CCSER1: variants seen among roughly 807,000 people sequenced by gnomAD.
CCSER1 encodes the protein coiled-coil serine rich protein 1, also known as serine-rich coiled-coil domain-containing protein 1.
CCSER1 carries 41 observed loss-of-function variants against 82.0 expected under a neutral mutation model. That is an observed-to-expected ratio of 0.50 (90% confidence interval 0.39 to 0.65). The LOEUF (loss-of-function observed/expected upper bound fraction) is 0.65. CCSER1 is among the 30% of genes least tolerant of loss of function. The pLI is 0.00. For synonymous variants in CCSER1, 414 were observed against 383.9 expected (o/e 1.08, Z -0.92); for missense variants, 1,119 against 1,064.2 (o/e 1.05, Z -0.72).
chr4:90,720,609 T>C (rs1038107739), intron 6 of CCSER1, among the ~76,000 whole-genome samples: 1 of 151,968 alleles, frequency 6.6e-6, no homozygotes, highest in Non-Finnish European at 1.5e-5. Flanking sequence ...CCAAAGAGGG[T>C]AACCTAAATT....
At chr4:90,463,497 G>T (rs1397086070) in intron 4 of CCSER1, among the ~76,000 whole-genome samples, 1 of 151,584 alleles carries the variant, frequency 6.6e-6, no homozygotes, top group African/African-American at 2.4e-5. Context: ...TGCACAGTTA[G>T]TGCAGAATTG....
intron 9 of CCSER1, among the ~76,000 whole-genome samples, chr4:91,004,084 G>T (rs78856741): frequency 0.023 from 3,502 of 152,276 alleles, 110 homozygotes; most frequent in African/African-American, 0.076. Context: ...TGTCTCCCGG[G>T]TCCTACAGGA....
At chr4:90,547,447 A>G (rs982256364) in intron 5 of CCSER1, among the ~76,000 whole-genome samples, 1 of 152,016 alleles carries the variant, frequency 6.6e-6, no homozygotes, top group African/African-American at 2.4e-5. Context: ...ATATTAATAC[A>G]CTTTCACTTT....
At chr4:90,450,260 G>C (rs749981472) in intron 4 of CCSER1, among the ~76,000 whole-genome samples, 5 of 152,214 alleles carry the variant, frequency 3.3e-5, no homozygotes, top group Non-Finnish European at 1.5e-5. Context: ...GGTTAAATAT[G>C]TGAAAGAAAG....
intron 9 of CCSER1, among the ~76,000 whole-genome samples, chr4:90,998,434 A>C (rs1449661319): frequency 6.6e-6 from 1 of 152,140 alleles, no homozygotes. Context: ...CTCTCAACAA[A>C]AAAAAATTTT....
At position 90,271,836 on chromosome 4, in the gene CCSER1, A is replaced by G. The variant is rs1237882686; in HGVS notation, c.-41-36408A>G. On this transcript the variant is annotated intron_variant, in intron 1 of 10. Coordinates refer to ENST00000509176, the MANE Select transcript of CCSER1 (RefSeq NM_001145065.2). The stretch of plus-strand genomic sequence containing the variant: ...CTGAGACTGGACAATTTATATATAT[A>G]TATATATATATATATATATATATAT... Among the ~76,000 whole-genome samples, 20 of 17,714 alleles carry G rather than the reference A, an allele frequency of 1.1e-3. 3 individuals carry two copies. The highest frequency in any genetic ancestry group is 0.011 in the African/African-American group (20 of 1,772). 11.6% of individuals were successfully genotyped at this position (17,714 alleles called of 152,430 possible). A position where few individuals can be genotyped will look rare whatever the true frequency, so the allele number is the denominator to read the frequency against.
chr4:91,470,614 A>G (rs1206846516), intron 10 of CCSER1, among the ~76,000 whole-genome samples: 1 of 152,062 alleles, frequency 6.6e-6, no homozygotes, highest in African/African-American at 2.4e-5. Context: ...ATAGACTTTT[A>G]TCTCTCATGC....
intron 1 of CCSER1, among the ~76,000 whole-genome samples, chr4:90,231,025 C>T (rs1019363959): frequency 6.6e-6 from 1 of 152,142 alleles, no homozygotes; most frequent in African/African-American, 2.4e-5. Flanking sequence ...GGATTCACAG[C>T]TGAATTCTAC....
At chr4:90,497,679 A>ATTTG (rs1769243439) in intron 5 of CCSER1, among the ~76,000 whole-genome samples, 1 of 152,232 alleles carries the variant, frequency 6.6e-6, no homozygotes, top group Non-Finnish European at 1.5e-5. Flanking sequence ...AAGCCAAAGA[A>ATTTG]GTACACTAAT....
rs1019995354 is a variant in CCSER1 at position 90,810,277 on chromosome 4, A to C, written c.2011-5485A>C. ...ATGGCCAGCCAAATTTGATCACCTTATATGTGTCAGTTATTATGTTTGGTG... is the reference window on the plus strand; with the variant it reads ...ATGGCCAGCCAAATTTGATCACCTTCTATGTGTCAGTTATTATGTTTGGTG... On this transcript the variant is annotated intron_variant, in intron 7 of 10. Transcript: ENST00000509176. Among the ~76,000 whole-genome samples the C allele has an allele frequency of 3.9e-5, 6 of 152,108 alleles. No individual in the cohort carries two copies. In the East Asian group the frequency reaches 9.7e-4, roughly 24 times the overall value.
chr4:91,479,848 C>A (rs1178902527), intron 10 of CCSER1, among the ~76,000 whole-genome samples: 1 of 144,256 alleles, frequency 6.9e-6, no homozygotes, highest in Non-Finnish European at 1.5e-5. Context: ...CCCACTAACT[C>A]GTCATCTAGC....
chr4:91,332,253 G>A (rs1747007833), intron 10 of CCSER1, among the ~76,000 whole-genome samples: 2 of 151,482 alleles, frequency 1.3e-5, no homozygotes, highest in Admixed American at 6.6e-5. Flanking sequence ...TGTTTTCTTT[G>A]GTAATCAAAA....
At chr4:90,513,367 A>G (rs1295637760) in intron 5 of CCSER1, among the ~76,000 whole-genome samples, 2 of 152,200 alleles carry the variant, frequency 1.3e-5, no homozygotes, top group East Asian at 1.9e-4. Flanking sequence ...TCATCAATGA[A>G]TTGTAGCTCT....
At chr4:91,013,548 A>T (rs6817927) in intron 9 of CCSER1, among the ~76,000 whole-genome samples, 68,341 of 125,354 alleles carry the variant, frequency 0.55, 24,288 homozygotes, top group Non-Finnish European at 0.62. Flanking sequence ...ATATATATAT[A>T]TTTTTTTGCT....
intron 6 of CCSER1, among the ~76,000 whole-genome samples, chr4:90,692,519 A>G (rs1736188680): frequency 6.6e-6 from 1 of 152,012 alleles, no homozygotes; most frequent in Non-Finnish European, 1.5e-5. Context: ...TAATGACGGC[A>G]GTAACATTAA....
At chr4:90,810,068 A>G (rs1205486645) in intron 7 of CCSER1, among the ~76,000 whole-genome samples, 2 of 152,178 alleles carry the variant, frequency 1.3e-5, no homozygotes, top group Admixed American at 6.5e-5. Flanking sequence ...GAAAATGGGT[A>G]TACTGCTGTT....
rs140240480 is a variant in CCSER1, at chr4:91,353,833, T to A, written c.2218-244739T>A. The stretch of plus-strand genomic sequence containing the variant: ...TATGATTACTTTTATTATAAGAGTT[T>A]TAAATCCTCCTATTGCTGGGAACCA... On this transcript the variant is annotated intron_variant, in intron 10 of 10. Transcript: ENST00000509176. Among the ~76,000 whole-genome samples, 1,171 of 152,304 alleles carry A rather than the reference T, an allele frequency of 7.7e-3. 42 individuals carry two copies. Among genetic ancestry groups the A allele is most frequent in the Admixed American group, 0.063 (970 of 15,296 alleles).
chr4:90,448,792 C>T (rs551351261), intron 4 of CCSER1, among the ~76,000 whole-genome samples: 94 of 152,076 alleles, frequency 6.2e-4, no homozygotes, highest in African/African-American at 2.2e-3. Context: ...CTCTTCTCTC[C>T]TTCTCTCTTT....
At chr4:91,054,994 T>TA (rs1358656201) in intron 9 of CCSER1, among the ~76,000 whole-genome samples, 21 of 152,170 alleles carry the variant, frequency 1.4e-4, no homozygotes, top group African/African-American at 3.9e-4. Flanking sequence ...ACTTTACTGA[T>TA]AAAAAAGAAC....
Sources: allele counts gnomAD v4.1 joint callset (sites outside exome capture counted in the v4.1 genomes callset), GRCh38; gene constraint gnomAD v4.1.1; transcripts MANE v1.5; gene names NCBI Gene and HGNC (gene_info 2026-07-23, HGNC 2026-07-21).